The following PTPRD variants were observed in gnomAD, a reference collection of about 807,000 sequenced individuals.
The protein encoded by PTPRD is receptor-type tyrosine-protein phosphatase delta.
Under a neutral mutation model 214.5 loss-of-function variants are expected in PTPRD, and 34 were observed. That is an observed-to-expected ratio of 0.16 (90% confidence interval 0.12 to 0.21). The LOEUF (loss-of-function observed/expected upper bound fraction) is 0.21. PTPRD is among the 10% of genes least tolerant of loss of function. The pLI, the probability that PTPRD is intolerant of heterozygous loss-of-function variation, is 1.00. For synonymous variants in PTPRD, 1,128 were observed against 845.7 expected (o/e 1.33, Z -5.79); for missense variants, 2,545 against 2,398.7 (o/e 1.06, Z -1.27).
chr9:10,402,362 TA>T (rs919668216), intron 2 of PTPRD, among the ~76,000 whole-genome samples: 1 of 151,728 alleles, frequency 6.6e-6, no homozygotes, highest in African/African-American at 2.4e-5. Context: ...AGATATGTTT[TA>T]AAGGTCAAAT....
chr9:9,512,304 T>C (rs1364532574), intron 8 of PTPRD, among the ~76,000 whole-genome samples: 1 of 151,870 alleles, frequency 6.6e-6, no homozygotes, highest in Non-Finnish European at 1.5e-5. Context: ...CAGGTGATTA[T>C]TTCTATTTTT....
intron 7 of PTPRD, among the ~76,000 whole-genome samples, chr9:9,653,386 A>AAAAAT (rs2096422807): frequency 3.0e-5 from 4 of 133,794 alleles, no homozygotes; most frequent in Non-Finnish European, 4.8e-5. Flanking sequence ...AAAAAAAAAA[A>AAAAAT]GTGCCTCATT....
intron 39 of PTPRD, among the ~76,000 whole-genome samples, chr9:8,358,379 T>A (rs1428020573): frequency 6.6e-6 from 1 of 152,192 alleles, no homozygotes; most frequent in Non-Finnish European, 1.5e-5. Flanking sequence ...TGTTTTCAAT[T>A]AAGCATAACA....
At chr9:8,339,628 C>T (rs369920499) in intron 42 of PTPRD, among the ~76,000 whole-genome samples, 35 of 152,182 alleles carry the variant, frequency 2.3e-4, no homozygotes, top group African/African-American at 7.7e-4. Flanking sequence ...TTTTTGTTCT[C>T]TCCGGGGGCT....
intron 12 of PTPRD, among the ~76,000 whole-genome samples, chr9:8,720,642 G>A (rs1363900299): frequency 6.6e-6 from 1 of 152,072 alleles, no homozygotes; most frequent in Non-Finnish European, 1.5e-5. Context: ...TCATTTTATA[G>A]TGAAACACTA....
chr9:8,774,066 C>G (rs1164459637), intron 11 of PTPRD, among the ~76,000 whole-genome samples: 1 of 152,136 alleles, frequency 6.6e-6, no homozygotes, highest in Non-Finnish European at 1.5e-5. Context: ...TACTTTGTAC[C>G]ACAGCTATTT....
chr9:9,418,954 T>C (rs1403903001), intron 8 of PTPRD, among the ~76,000 whole-genome samples: 1 of 151,772 alleles, frequency 6.6e-6, no homozygotes, highest in Non-Finnish European at 1.5e-5. Context: ...AGAAAGAGTG[T>C]AGTGGAGAAG....
chr9:8,418,741 G>C (rs1375320280), intron 35 of PTPRD, among the ~76,000 whole-genome samples: 1 of 151,984 alleles, frequency 6.6e-6, no homozygotes, highest in Non-Finnish European at 1.5e-5. Flanking sequence ...AATGCTGATA[G>C]CTGTAAATTC....
chr9:9,195,150 T>C (rs1274693303), intron 9 of PTPRD, among the ~76,000 whole-genome samples: 1 of 149,650 alleles, frequency 6.7e-6, no homozygotes, highest in Non-Finnish European at 1.5e-5. Flanking sequence ...ATACAACTTT[T>C]AAAACAAACA....
chr9:9,620,203 C>T (rs1325994061), intron 7 of PTPRD, among the ~76,000 whole-genome samples: 2 of 152,080 alleles, frequency 1.3e-5, no homozygotes, highest in African/African-American at 4.8e-5. Context: ...CAGAAGAGCA[C>T]AGCCCTAATG....
At chr9:8,443,942 ATGTT>A (rs2095634135) in intron 34 of PTPRD, among the ~76,000 whole-genome samples, 1 of 152,172 alleles carries the variant, frequency 6.6e-6, no homozygotes. Flanking sequence ...TAATAATATT[ATGTT>A]TATTTTCATC....
chr9:9,739,613 T>G (rs951375353), intron 6 of PTPRD, among the ~76,000 whole-genome samples: 2 of 152,008 alleles, frequency 1.3e-5, no homozygotes, highest in African/African-American at 4.8e-5. Flanking sequence ...TCACTGTCAC[T>G]TTCATCAGTT....
intron 9 of PTPRD, among the ~76,000 whole-genome samples, chr9:9,200,063 C>T (rs916600827): frequency 1.3e-5 from 2 of 152,170 alleles, no homozygotes; most frequent in East Asian, 1.9e-4. Flanking sequence ...CTAGTCAGGG[C>T]ATGGTTGAAG....
intron 21 of PTPRD, among the ~76,000 whole-genome samples, chr9:8,513,085 A>G (rs2097713724): frequency 6.6e-6 from 1 of 152,052 alleles, no homozygotes; most frequent in Non-Finnish European, 1.5e-5. Context: ...CCATATTTTC[A>G]AGGTAAACTA....
intron 3 of PTPRD, among the ~76,000 whole-genome samples, chr9:10,244,119 A>G (rs1450086138): frequency 6.6e-6 from 1 of 151,522 alleles, no homozygotes; most frequent in Admixed American, 6.6e-5. Flanking sequence ...TTTTCATTGT[A>G]GTAATCTAAT....
At chr9:9,064,809 G>A (rs80265036) in intron 10 of PTPRD, among the ~76,000 whole-genome samples, 1,607 of 152,248 alleles carry the variant, frequency 0.011, 29 homozygotes, top group African/African-American at 0.036. Context: ...TCAGAAAAGC[G>A]ACTTCAATAT....
chr9:10,040,332 C>A (rs1309308749), intron 3 of PTPRD, among the ~76,000 whole-genome samples: 1 of 151,970 alleles, frequency 6.6e-6, no homozygotes, highest in Non-Finnish European at 1.5e-5. Context: ...AGCCATCCAG[C>A]ACATTCAACA....
intron 10 of PTPRD, among the ~76,000 whole-genome samples, chr9:9,088,354 G>A (rs1003700351): frequency 1.3e-5 from 2 of 151,528 alleles, no homozygotes; most frequent in Non-Finnish European, 2.9e-5. Flanking sequence ...TTGGGAGGCC[G>A]AGGCAGCTGG....
chr9:10,136,397 C>T (rs2098944002), intron 3 of PTPRD, among the ~76,000 whole-genome samples: 1 of 152,076 alleles, frequency 6.6e-6, no homozygotes, highest in Non-Finnish European at 1.5e-5. Context: ...TAGATATTTA[C>T]AGAATACTCA....
Sources: gnomAD v4.1 joint callset for allele counts (sites outside exome capture counted in the v4.1 genomes callset) on GRCh38, gnomAD v4.1.1 for gene constraint, MANE v1.5 for transcripts, NCBI Gene and HGNC (gene_info 2026-07-23, HGNC 2026-07-21) for gene names.